ANO10: variants seen among roughly 807,000 people sequenced by gnomAD.
The protein encoded by ANO10 is anoctamin-10.
ANO10 carries 77 observed loss-of-function variants against 74.7 expected under a neutral mutation model. The ratio of observed to expected loss-of-function variants is 1.03; its 90% confidence interval spans 0.86 to 1.25. The LOEUF (loss-of-function observed/expected upper bound fraction) is 1.25, where lower values mean the gene tolerates loss of function less well. Among genes scored for constraint, ANO10 ranks in the 50% most tolerant of loss-of-function variants. The pLI is 0.00. For synonymous variants in ANO10, 279 were observed against 284.9 expected, an observed-to-expected ratio of 0.98 and a Z score of 0.21; for missense variants, 721 against 778.1, an observed-to-expected ratio of 0.93 and a Z score of 0.87.
intron 12 of ANO10, among the ~76,000 whole-genome samples, chr3:43,397,354 GA>G (rs1328894214): frequency 2.0e-5 from 3 of 152,244 alleles, no homozygotes; most frequent in Middle Eastern, 3.4e-3. Context: ...TGCTAATTCT[GA>G]CAAGTATTTC....
chr3:43,461,721 G>C (rs1443229362), intron 11 of ANO10, among the ~76,000 whole-genome samples: 1 of 152,176 alleles, frequency 6.6e-6, no homozygotes, highest in East Asian at 1.9e-4. Context: ...GGAACTGTAA[G>C]TCCAATTAAG....
rs61457264 is a variant in ANO10, at chr3:43,614,801, A to ATATATATATATATATATATATATATG, written c.-12+7107_-12+7108insCATATATATATATATATATATATATA. Among the ~76,000 whole-genome samples, 134 of 99,392 alleles carry ATATATATATATATATATATATATATG rather than the reference A, an allele frequency of 1.3e-3. 19 individuals are homozygous for ATATATATATATATATATATATATATG. The highest frequency in any genetic ancestry group is 4.9e-3 in the South Asian group (12 of 2,474). 65.2% of individuals were successfully genotyped at this position (99,392 alleles called of 152,430 possible). A position where few individuals can be genotyped will look rare whatever the true frequency, so the allele number is the denominator to read the frequency against. On this transcript the variant is annotated intron_variant, in intron 1 of 12. Coordinates refer to ENST00000292246, the MANE Select transcript of ANO10 (RefSeq NM_018075.5). ...TATATATATATATATATATATATAT[A>ATATATATATATATATATATATATATG]TAGGTTCATTACAGTTTTTTATGGA...
chr3:43,624,676 T>C (rs2083476488), upstream of ANO10, among the ~76,000 whole-genome samples: 4 of 152,318 alleles, frequency 2.6e-5, no homozygotes, highest in South Asian at 8.3e-4. Flanking sequence ...CTCTTTGCTT[T>C]ATAAATTACC....
chr3:43,558,781 C>A (rs1051449030), intron 9 of ANO10, among the ~76,000 whole-genome samples: 20 of 151,992 alleles, frequency 1.3e-4, no homozygotes, highest in Admixed American at 1.2e-3. Flanking sequence ...CAAAAGTATC[C>A]CCGCCTCCAA....
At chr3:43,458,495 A>C (rs772305766) in intron 11 of ANO10, among the ~76,000 whole-genome samples, 7 of 152,226 alleles carry the variant, frequency 4.6e-5, no homozygotes, top group Non-Finnish European at 8.8e-5. Context: ...TTACCATAAC[A>C]ATAAAATATT....
At chr3:43,585,882 C>A (rs1302536087) in intron 4 of ANO10, among the ~76,000 whole-genome samples, 1 of 152,150 alleles carries the variant, frequency 6.6e-6, no homozygotes, top group African/African-American at 2.4e-5. Flanking sequence ...CAGAAAGATA[C>A]CTCTGCCCTG....
At chr3:43,676,068 C>T (rs1313015513) in intron 1 of ANO10, among the ~76,000 whole-genome samples, 1 of 152,048 alleles carries the variant, frequency 6.6e-6, no homozygotes, top group African/African-American at 2.4e-5. Flanking sequence ...TATATTAAAC[C>T]GTGTAATACT....
At chr3:43,533,026 T>G (rs574529619) in intron 11 of ANO10, among the ~76,000 whole-genome samples, 24 of 152,078 alleles carry the variant, frequency 1.6e-4, no homozygotes, top group African/African-American at 5.5e-4. Flanking sequence ...CAATAATACC[T>G]CCCCTTGCTT....
intron 1 of ANO10, among the ~76,000 whole-genome samples, chr3:43,617,861 G>C (rs2083196747): frequency 6.6e-6 from 1 of 152,216 alleles, no homozygotes; most frequent in East Asian, 1.9e-4. Context: ...TTATGAAGCA[G>C]ATTAGGAAAC....
intron 11 of ANO10, among the ~76,000 whole-genome samples, chr3:43,489,633 G>C (rs1263791101): frequency 6.6e-6 from 1 of 152,038 alleles, no homozygotes; most frequent in Non-Finnish European, 1.5e-5. Context: ...ATAAGACTAG[G>C]AGATTACACA....
chr3:43,560,442 T>C (rs2079973625), intron 9 of ANO10, among the ~76,000 whole-genome samples: 2 of 152,158 alleles, frequency 1.3e-5, no homozygotes, highest in African/African-American at 2.4e-5. Flanking sequence ...AATCAGGAGA[T>C]AAACTCATTC....
intron 1 of ANO10, chr3:43,690,980 CGCG>C (rs748141630): frequency 5.7e-6 from 9 of 1,571,386 alleles, no homozygotes; most frequent in Admixed American, 1.8e-5. Context: ...CCGGCGCTTG[CGCG>C]GCGGCGGCTA....
intron 11 of ANO10, among the ~76,000 whole-genome samples, chr3:43,503,227 A>T (rs776563641): frequency 2.0e-5 from 3 of 148,470 alleles, no homozygotes; most frequent in Admixed American, 6.6e-5. Context: ...TCAAGCTGTT[A>T]AACATTACAG....
intron 1 of ANO10, among the ~76,000 whole-genome samples, chr3:43,657,920 A>G (rs2083875780): frequency 6.6e-6 from 1 of 152,244 alleles, no homozygotes; most frequent in African/African-American, 2.4e-5. Flanking sequence ...AAAGTTATAT[A>G]GCCCTTAATT....
At chr3:43,521,858 ATT>A (rs1195980594) in intron 11 of ANO10, among the ~76,000 whole-genome samples, 1 of 152,172 alleles carries the variant, frequency 6.6e-6, no homozygotes, top group East Asian at 1.9e-4. Context: ...CTGCAGTATT[ATT>A]TACATTTGTA....
At chr3:43,471,331 T>C (rs985122401) in intron 11 of ANO10, among the ~76,000 whole-genome samples, 1 of 152,204 alleles carries the variant, frequency 6.6e-6, no homozygotes, top group Non-Finnish European at 1.5e-5. Flanking sequence ...ATATCTCTTA[T>C]TTAGGAAGAG....
At chr3:43,513,141 G>A (rs759370080) in intron 11 of ANO10, among the ~76,000 whole-genome samples, 1 of 152,142 alleles carries the variant, frequency 6.6e-6, no homozygotes, top group Non-Finnish European at 1.5e-5. Context: ...TCTGAGGTCC[G>A]GGAAAGCAAC....
At chr3:43,368,245 G>A (rs1167023863) in intron 12 of ANO10, among the ~76,000 whole-genome samples, 1 of 152,164 alleles carries the variant, frequency 6.6e-6, no homozygotes, top group Non-Finnish European at 1.5e-5. Context: ...CTTTTGATGA[G>A]AAAGGGGGCT....
intron 5 of ANO10, among the ~76,000 whole-genome samples, chr3:43,579,027 T>C (rs1200275136): frequency 1.3e-5 from 2 of 151,264 alleles, no homozygotes; most frequent in Non-Finnish European, 2.9e-5. Flanking sequence ...TTTTCAGAAA[T>C]AGAAAACAGA....
Sources: allele counts gnomAD v4.1 joint callset (sites outside exome capture counted in the v4.1 genomes callset), GRCh38; gene constraint gnomAD v4.1.1; transcripts MANE v1.5; gene names NCBI Gene and HGNC (gene_info 2026-07-23, HGNC 2026-07-21).